STARD13: variants seen among roughly 807,000 people sequenced by gnomAD.
STARD13 encodes stAR-related lipid transfer protein 13.
Under a neutral mutation model 106.4 loss-of-function variants are expected in STARD13, and 62 were observed. The observed-to-expected ratio is 0.58, with a 90% CI of 0.48 to 0.72. The LOEUF (loss-of-function observed/expected upper bound fraction) is 0.72. STARD13 is among the 30% of genes least tolerant of loss of function. The pLI, the probability that STARD13 is intolerant of heterozygous loss-of-function variation, is 0.00. For synonymous variants in STARD13, 565 were observed against 553.0 expected, an observed-to-expected ratio of 1.02 and a Z score of -0.31; for missense variants, 1,387 against 1,424.0, an observed-to-expected ratio of 0.97 and a Z score of 0.42.
At chr13:33,654,576 A>C in the STARD13 span, 2 of 152,240 alleles carry the variant, frequency 1.3e-5, no homozygotes, top group Non-Finnish European at 2.9e-5. Flanking sequence ...GAATATACTG[A>C]AACTACTGAA....
chr13:33,163,686 T>TATATATAAAACATATATATATAAC (rs1882979941), intron 3 of STARD13, among the ~76,000 whole-genome samples: 7 of 64,872 alleles, frequency 1.1e-4, no homozygotes, highest in Non-Finnish European at 2.0e-4. Context: ...ATATAAAACA[T>TATATATAAAACATATATATATAAC]ATATATATAT....
At chr13:33,325,286 A>G (rs1474311220) in intron 1 of STARD13, among the ~76,000 whole-genome samples, 1 of 152,210 alleles carries the variant, frequency 6.6e-6, no homozygotes, top group Non-Finnish European at 1.5e-5. Flanking sequence ...AATGGCTGGC[A>G]TGTGAGGCCT....
the STARD13 span, among the ~76,000 whole-genome samples, chr13:33,519,222 T>C: frequency 0.051 from 7,305 of 142,302 alleles, 278 homozygotes; most frequent in African/African-American, 0.073. Context: ...CTTTCTTTCT[T>C]TCTTTCTTTC....
At chr13:33,655,704 T>C in the STARD13 span, among the ~76,000 whole-genome samples, 1 of 152,210 alleles carries the variant, frequency 6.6e-6, no homozygotes, top group Non-Finnish European at 1.5e-5. Context: ...TTCTATATAG[T>C]AACTGGAACA....
chr13:33,211,431 G>A lies in STARD13; in HGVS notation c.170-43809C>T, dbSNP rs2138138144. The stretch of plus-strand genomic sequence containing the variant: ...GTGTGTATCCTTCCAAACTTATTAT[G>A]CATATATAACACACTTGTTATATAT... On this transcript the variant is annotated intron_variant, in intron 1 of 13. Coordinates refer to ENST00000336934, the MANE Select transcript of STARD13 (RefSeq NM_178006.4). 2.0e-5 allele frequency among the ~76,000 whole-genome samples: 3 copies of A among 152,108 alleles called. No individual in the cohort carries two copies. The South Asian group carries it at 6.2e-4, about 32-fold the overall frequency.
chr13:33,556,322 C>G, the STARD13 span, among the ~76,000 whole-genome samples: 1 of 152,114 alleles, frequency 6.6e-6, no homozygotes, highest in Non-Finnish European at 1.5e-5. Context: ...TACTCTGTCA[C>G]TCAGGCTGGA....
At chr13:33,658,323 T>G in the STARD13 span, 4 of 152,300 alleles carry the variant, frequency 2.6e-5, no homozygotes, top group African/African-American at 7.2e-5. Flanking sequence ...GATAGACACT[T>G]GAGTTGCTTC....
the STARD13 span, among the ~76,000 whole-genome samples, chr13:33,614,733 TG>T: frequency 1.3e-5 from 2 of 152,190 alleles, no homozygotes. Context: ...CAAGTAGATC[TG>T]GGGGACATAC....
chr13:33,381,673 G>A, the STARD13 span, among the ~76,000 whole-genome samples: 1 of 152,168 alleles, frequency 6.6e-6, no homozygotes, highest in Non-Finnish European at 1.5e-5. Context: ...CCAGGAGGCG[G>A]AGGTTGCAGT....
chr13:33,428,924 G>T, the STARD13 span, among the ~76,000 whole-genome samples: 3 of 152,184 alleles, frequency 2.0e-5, no homozygotes, highest in African/African-American at 7.2e-5. Flanking sequence ...ATGAAAAGGT[G>T]CTCATCCTCA....
the STARD13 span, among the ~76,000 whole-genome samples, chr13:33,528,245 T>TATATATATATATATATAC: frequency 8.1e-6 from 1 of 124,174 alleles, no homozygotes; most frequent in African/African-American, 3.7e-5. Flanking sequence ...TATATATACA[T>TATATATATATATATATAC]ATATATATAT....
At chr13:33,126,291 G>A in intron 6 of STARD13, 51 bp from the exon 7 acceptor site, 2 of 1,586,524 alleles carry the variant, frequency 1.3e-6, no homozygotes. Context: ...CACACTGTGG[G>A]GTGAGGCTCT....
the STARD13 span, among the ~76,000 whole-genome samples, chr13:33,488,859 A>G: frequency 1.3e-5 from 2 of 152,226 alleles, no homozygotes; most frequent in African/African-American, 4.8e-5. Context: ...ACACATTTAA[A>G]GCATTTAAGT....
the STARD13 span, among the ~76,000 whole-genome samples, chr13:33,519,478 C>T: frequency 5.3e-5 from 8 of 151,782 alleles, no homozygotes; most frequent in African/African-American, 1.9e-4. Context: ...GTGTGAGCCA[C>T]TGTGCCCAGC....
the STARD13 span, among the ~76,000 whole-genome samples, chr13:33,549,210 G>C: frequency 1.6e-3 from 240 of 152,274 alleles, no homozygotes; most frequent in African/African-American, 5.4e-3. Context: ...AGTTTAGTTA[G>C]ATGTGTTGCT....
intron 1 of STARD13, among the ~76,000 whole-genome samples, chr13:33,312,042 C>T (rs1241643094): frequency 6.6e-6 from 1 of 152,192 alleles, no homozygotes; most frequent in Non-Finnish European, 1.5e-5. Flanking sequence ...CGTGTCAGAA[C>T]AAATGGTTGT....
intron 1 of STARD13, among the ~76,000 whole-genome samples, chr13:33,230,068 G>A (rs1020724137): frequency 5.9e-5 from 9 of 152,220 alleles, no homozygotes; most frequent in African/African-American, 2.2e-4. Flanking sequence ...GACATTATGA[G>A]GCCTGGAAGC....
At chr13:33,352,890 T>A (rs1251287257), upstream of STARD13, among the ~76,000 whole-genome samples, 2 of 152,236 alleles carry the variant, frequency 1.3e-5, no homozygotes, top group Admixed American at 1.3e-4. Flanking sequence ...TTAGGTAGCA[T>A]CCCCTGTGGG....
the STARD13 span, among the ~76,000 whole-genome samples, chr13:33,584,928 A>T: frequency 2.0e-5 from 3 of 152,020 alleles, no homozygotes; most frequent in African/African-American, 7.2e-5. Context: ...TTCCACCATG[A>T]TTGTAAGTTT....
Sources: gnomAD v4.1 joint callset for allele counts (sites outside exome capture counted in the v4.1 genomes callset) on GRCh38, gnomAD v4.1.1 for gene constraint, MANE v1.5 for transcripts, NCBI Gene and HGNC (gene_info 2026-07-23, HGNC 2026-07-21) for gene names.